The following RUNDC3B variants were observed in gnomAD, a reference collection of about 807,000 sequenced individuals.
RUNDC3B encodes RUN domain-containing protein 3B.
Under a neutral mutation model 58.4 loss-of-function variants are expected in RUNDC3B, and 33 were observed. The observed-to-expected ratio is 0.56, with a 90% CI of 0.43 to 0.75. RUNDC3B has a LOEUF of 0.75. Ranked by LOEUF, RUNDC3B falls within the 30% of genes least tolerant of loss-of-function variation. The pLI is 0.00. For synonymous variants in RUNDC3B, 193 were observed against 195.2 expected, an observed-to-expected ratio of 0.99 and a Z score of 0.10; for missense variants, 501 against 535.7, an observed-to-expected ratio of 0.94 and a Z score of 0.64.
At chr7:87,733,180 TTCC>T (rs1361749414) in intron 4 of RUNDC3B, among the ~76,000 whole-genome samples, 1 of 152,134 alleles carries the variant, frequency 6.6e-6, no homozygotes, top group Non-Finnish European at 1.5e-5. Context: ...TCGCATTCCA[TTCC>T]TAGAGCTATG....
At chr7:87,759,130 C>T (rs1024805000) in intron 6 of RUNDC3B, among the ~76,000 whole-genome samples, 1 of 152,066 alleles carries the variant, frequency 6.6e-6, no homozygotes, top group African/African-American at 2.4e-5. Flanking sequence ...GGTATATATA[C>T]ACAATGGAAT....
At chr7:87,687,485 T>G (rs1827584779) in intron 2 of RUNDC3B, among the ~76,000 whole-genome samples, 1 of 152,216 alleles carries the variant, frequency 6.6e-6, no homozygotes, top group South Asian at 2.1e-4. Flanking sequence ...TTTTATGTAC[T>G]TATTATGATT....
chr7:87,727,942 A>G (rs1831339713), intron 4 of RUNDC3B, among the ~76,000 whole-genome samples: 1 of 152,158 alleles, frequency 6.6e-6, no homozygotes, highest in African/African-American at 2.4e-5. Flanking sequence ...TTTTATATAA[A>G]AGAAGAGGAA....
intron 4 of RUNDC3B, among the ~76,000 whole-genome samples, chr7:87,734,303 A>G (rs372437890): frequency 9.9e-5 from 15 of 152,214 alleles, no homozygotes; most frequent in African/African-American, 3.4e-4. Flanking sequence ...ATGTGTGTCT[A>G]TATCCATACA....
intron 8 of RUNDC3B, among the ~76,000 whole-genome samples, chr7:87,786,326 G>T (rs750952569): frequency 4.2e-4 from 64 of 152,078 alleles, no homozygotes; most frequent in Non-Finnish European, 7.9e-4. Flanking sequence ...GATTTTTAAA[G>T]TTAGAAAGTT....
At chr7:87,822,206 C>T (rs974965837) in intron 10 of RUNDC3B, among the ~76,000 whole-genome samples, 2 of 151,682 alleles carry the variant, frequency 1.3e-5, no homozygotes, top group Non-Finnish European at 1.5e-5. Flanking sequence ...AAAAAAACAA[C>T]CCCATCAAAA....
chr7:87,809,851 AC>A (rs1296599621), intron 9 of RUNDC3B, among the ~76,000 whole-genome samples: 1 of 152,130 alleles, frequency 6.6e-6, no homozygotes, highest in Non-Finnish European at 1.5e-5. Flanking sequence ...CTCCCTTCAA[AC>A]TTTTAATATA....
chr7:87,792,653 G>T (rs1226931680), intron 8 of RUNDC3B, among the ~76,000 whole-genome samples: 1 of 152,026 alleles, frequency 6.6e-6, no homozygotes, highest in African/African-American at 2.4e-5. Flanking sequence ...AAAGTTTATT[G>T]AAACAAATGT....
intron 1 of RUNDC3B, among the ~76,000 whole-genome samples, chr7:87,635,162 G>C (rs1821634508): frequency 6.6e-6 from 1 of 152,130 alleles, no homozygotes; most frequent in Non-Finnish European, 1.5e-5. Context: ...CCCTCTTACA[G>C]GTTTATAAAA....
At chr7:87,726,352 C>T (rs1214463767) in intron 4 of RUNDC3B, among the ~76,000 whole-genome samples, 1 of 152,136 alleles carries the variant, frequency 6.6e-6, no homozygotes, top group East Asian at 1.9e-4. Flanking sequence ...ATAGGGAATC[C>T]TTTCCCCATT....
intron 3 of RUNDC3B, among the ~76,000 whole-genome samples, chr7:87,708,511 T>A (rs116545503): frequency 0.011 from 1,749 of 152,294 alleles, 42 homozygotes; most frequent in African/African-American, 0.04. Context: ...TTAAAAATCA[T>A]CCCATTGCAA....
intron 6 of RUNDC3B, among the ~76,000 whole-genome samples, chr7:87,751,060 G>A (rs542451213): frequency 6.6e-6 from 1 of 152,228 alleles, no homozygotes; most frequent in South Asian, 2.1e-4. Flanking sequence ...TTTTGTATAA[G>A]GTGTAAGGAA....
chr7:87,809,747 TA>T (rs1836612280), intron 9 of RUNDC3B, among the ~76,000 whole-genome samples: 1 of 152,172 alleles, frequency 6.6e-6, no homozygotes, highest in South Asian at 2.1e-4. Context: ...CTGTCTCATA[TA>T]AAATGGAGGC....
intron 3 of RUNDC3B, among the ~76,000 whole-genome samples, chr7:87,705,474 C>G (rs778180831): frequency 1.3e-5 from 2 of 152,022 alleles, no homozygotes; most frequent in Non-Finnish European, 2.9e-5. Flanking sequence ...GAAATGCTAA[C>G]CATTCCCTTT....
In RUNDC3B at chr7:87,710,569, G is replaced by A. The variant is rs761779459; in HGVS notation, c.373-1G>A. 1 of 1,541,444 alleles carries A rather than the reference G, an allele frequency of 6.5e-7. No individual in the cohort carries two copies. The highest frequency in any genetic ancestry group is 8.8e-7 in the Non-Finnish European group (1 of 1,132,702). On this transcript the variant is annotated splice_acceptor_variant, in intron 3 of 10. Transcript: ENST00000394654. LOFTEE classifies it high-confidence loss of function. ...ATTTGATTCTTTCTTCTTCCTTTTA[G>A]GGTAGAGCCTGGATCAGAGTAGCAC...
intron 1 of RUNDC3B, among the ~76,000 whole-genome samples, chr7:87,647,958 G>A (rs1410279468): frequency 1.3e-5 from 2 of 152,240 alleles, no homozygotes; most frequent in East Asian, 3.9e-4. Flanking sequence ...GCCAAGGCAG[G>A]TGGATCATGA....
chr7:87,643,342 A>G (rs1822641927), intron 1 of RUNDC3B, among the ~76,000 whole-genome samples: 1 of 152,186 alleles, frequency 6.6e-6, no homozygotes, highest in East Asian at 1.9e-4. Context: ...TTTGGTTCCA[A>G]TAAAAGTTTA....
intron 4 of RUNDC3B, among the ~76,000 whole-genome samples, chr7:87,719,909 C>A (rs1830766865): frequency 6.7e-6 from 1 of 149,846 alleles, no homozygotes; most frequent in Non-Finnish European, 1.5e-5. Flanking sequence ...TTCTATATAA[C>A]CCTATGTAGG....
chr7:87,734,830 C>T (rs1355186551), intron 4 of RUNDC3B, among the ~76,000 whole-genome samples: 2 of 152,160 alleles, frequency 1.3e-5, no homozygotes, highest in East Asian at 3.9e-4. Flanking sequence ...ACTACTTCAT[C>T]GTTCTTGAAA....
Sources: allele counts gnomAD v4.1 joint callset (sites outside exome capture counted in the v4.1 genomes callset), GRCh38; gene constraint gnomAD v4.1.1; transcripts MANE v1.5; gene names NCBI Gene and HGNC (gene_info 2026-07-23, HGNC 2026-07-21).